The following SFMBT1 variants were observed in gnomAD, a reference collection of about 807,000 sequenced individuals.
SFMBT1 encodes the protein Scm like with four mbt domains 1.
SFMBT1 carries 32 observed loss-of-function variants against 108.7 expected under a neutral mutation model. That is an observed-to-expected ratio of 0.29 (90% CI 0.22 to 0.40). SFMBT1 has a LOEUF of 0.40. Ranked by LOEUF, SFMBT1 falls within the 10% of genes least tolerant of loss-of-function variation. The probability of loss-of-function intolerance (pLI) is 1.00; values close to 1 mark genes in which losing one functional copy is unlikely to be tolerated. For synonymous variants in SFMBT1, 348 were observed against 369.5 expected, an observed-to-expected ratio of 0.94 and a Z score of 0.67; for missense variants, 816 against 1,059.6, an observed-to-expected ratio of 0.77 and a Z score of 3.19.
Position 52,928,232 on chromosome 3 carries a change from T to C in SFMBT1, c.1007A>G (p.Gln336Arg). 1 of 1,613,830 alleles carries C rather than the reference T, an allele frequency of 6.2e-7. No individual in the cohort carries two copies. Among genetic ancestry groups the C allele is most frequent in the South Asian group, 1.1e-5 (1 of 91,042 alleles). Residue 336 changes from glutamine to arginine, a missense_variant, in exon 9 of 21, where the codon CAG becomes CGG. Transcript: ENST00000394752. ...GTGTAGGCCATTCTTCAGACTCCAC[T>C]GCACAGGGAAGATGCCAGGACTGTC... Reference protein sequence around the residue: ...HADSPGIFPVQWSLKNGLHIS... With the variant: ...HADSPGIFPVRWSLKNGLHIS...
chr3:52,921,301 A>G (rs575194894), intron 11 of SFMBT1, among the ~76,000 whole-genome samples: 2 of 152,252 alleles, frequency 1.3e-5, no homozygotes, highest in South Asian at 4.1e-4. Context: ...CAATTATTGA[A>G]TATTACTTTT....
intron 10 of SFMBT1, among the ~76,000 whole-genome samples, chr3:52,925,098 G>A (rs1192513044): frequency 3.3e-5 from 5 of 151,720 alleles, no homozygotes; most frequent in Admixed American, 6.6e-5. Context: ...GTGGGCGCCT[G>A]TAATCCCAGC....
intron 1 of SFMBT1, among the ~76,000 whole-genome samples, chr3:52,976,886 T>G (rs1360678349): frequency 6.6e-6 from 1 of 152,170 alleles, no homozygotes; most frequent in African/African-American, 2.4e-5. Context: ...TCACCCAGAT[T>G]GGCAAAAACA....
rs769472036 is a variant in SFMBT1 at position 52,910,985 on chromosome 3, T to C, written c.1906+18A>G. ...TGGTCAGCTGCTATGGTTAACACAT[T>C]GGAAAAACATGACTCACTGTATTTG... On this transcript the variant is annotated intron_variant, in intron 17 of 20. Coordinates refer to ENST00000394752, the MANE Select transcript of SFMBT1 (RefSeq NM_016329.4). 1.2e-6 allele frequency: 2 copies of C among 1,613,418 alleles called. No homozygotes were observed. The highest frequency in any genetic ancestry group is 1.1e-5 in the South Asian group (1 of 91,032).
At chr3:53,022,480 T>TA (rs1343138119) in intron 1 of SFMBT1, among the ~76,000 whole-genome samples, 1 of 104,620 alleles carries the variant, frequency 9.6e-6, no homozygotes, top group Non-Finnish European at 2.1e-5. Context: ...AAAGCAAACA[T>TA]AAGACCCTGT....
chr3:52,922,886 C>T (rs759560400), intron 10 of SFMBT1, among the ~76,000 whole-genome samples: 7 of 152,104 alleles, frequency 4.6e-5, no homozygotes, highest in South Asian at 4.2e-4. Flanking sequence ...CCCAGCCCTC[C>T]GCCTCTACCC....
intron 1 of SFMBT1, among the ~76,000 whole-genome samples, chr3:53,022,306 T>G (rs1341656111): frequency 6.6e-6 from 1 of 151,748 alleles, no homozygotes; most frequent in Non-Finnish European, 1.5e-5. Context: ...AAAAATTAGC[T>G]GAACATGGTG....
chr3:52,967,305 G>T (rs1421969396), intron 2 of SFMBT1, among the ~76,000 whole-genome samples: 3 of 151,972 alleles, frequency 2.0e-5, no homozygotes, highest in African/African-American at 4.8e-5. Flanking sequence ...AATTATACAG[G>T]CATGTTGAAA....
chr3:52,982,165 T>G (rs1470421658), intron 1 of SFMBT1, among the ~76,000 whole-genome samples: 3 of 152,152 alleles, frequency 2.0e-5, no homozygotes, highest in Non-Finnish European at 2.9e-5. Flanking sequence ...TTAAGGCTCA[T>G]TACACACATT....
intron 1 of SFMBT1, among the ~76,000 whole-genome samples, chr3:53,030,539 C>G (rs1315329859): frequency 1.3e-5 from 2 of 151,968 alleles, no homozygotes; most frequent in Non-Finnish European, 2.9e-5. Flanking sequence ...TAAAAGCAAT[C>G]TCATTTTTCT....
chr3:52,989,963 C>T (rs1480148585), intron 1 of SFMBT1, among the ~76,000 whole-genome samples: 1 of 152,154 alleles, frequency 6.6e-6, no homozygotes, highest in Non-Finnish European at 1.5e-5. Flanking sequence ...TTAAGGCAGA[C>T]AATTGGTTAC....
chr3:52,911,590 G>C (rs1403514557), intron 16 of SFMBT1, among the ~76,000 whole-genome samples: 1 of 152,230 alleles, frequency 6.6e-6, no homozygotes, highest in African/African-American at 2.4e-5. Flanking sequence ...AGATCAGAAA[G>C]CAAGAGTACC....
intron 3 of SFMBT1, among the ~76,000 whole-genome samples, chr3:52,950,287 C>T (rs945630423): frequency 2.6e-5 from 4 of 151,996 alleles, no homozygotes; most frequent in African/African-American, 9.7e-5. Flanking sequence ...AGTAGTTGCC[C>T]TAGAGTTTAC....
chr3:52,958,958 G>A lies in SFMBT1; in HGVS notation c.29-4547C>T, dbSNP rs555316904. On this transcript the variant is annotated intron_variant, in intron 2 of 20. Coordinates refer to ENST00000394752, the MANE Select transcript of SFMBT1 (RefSeq NM_016329.4). ...ATACTATGCAGCCATAAAAAGGAAC[G>A]AGATAATGTCCTTTGCAGGGACATG... Among the ~76,000 whole-genome samples, 241 of 152,278 alleles carry A rather than the reference G, an allele frequency of 1.6e-3. 1 individual carries two copies. Among genetic ancestry groups the A allele is most frequent in the African/African-American group, 5.5e-3 (227 of 41,546 alleles).
Position 53,013,615 on chromosome 3 carries a change from CTTTTTTTTTTTTT to C in SFMBT1, c.-131+32188_-131+32200del, listed in dbSNP as rs397989629. Among the ~76,000 whole-genome samples, 237 of 58,096 alleles carry C rather than the reference CTTTTTTTTTTTTT, an allele frequency of 4.1e-3. 3 individuals are homozygous for C. The highest frequency in any genetic ancestry group is 0.017 in the African/African-American group (206 of 11,898). The allele number at this position is 58,096 out of a possible 152,430, so 38.1% of individuals were successfully genotyped here. On this transcript the variant is annotated intron_variant, in intron 1 of 20. Transcript: ENST00000394752. ...GGAACACAGTTTATTTATAAAGAAT[CTTTTTTTTTTTTT>C]TTTTTTTTTTTTTTTTTTGAGATGG...
intron 16 of SFMBT1, 136 bp from the exon 17 acceptor site, chr3:52,911,314 A>C: frequency 1.3e-6 from 1 of 766,678 alleles, no homozygotes; most frequent in Non-Finnish European, 1.9e-6. Context: ...AAGGGCCCTG[A>C]AAACAACAAG....
intron 2 of SFMBT1, among the ~76,000 whole-genome samples, chr3:52,956,629 C>T (rs1040150229): frequency 1.3e-5 from 2 of 152,062 alleles, no homozygotes; most frequent in Non-Finnish European, 1.5e-5. Flanking sequence ...GGTGTGGTGG[C>T]GTGCGCTTAT....
At chr3:52,984,944 G>A (rs746005323) in intron 1 of SFMBT1, among the ~76,000 whole-genome samples, 37 of 151,968 alleles carry the variant, frequency 2.4e-4, no homozygotes, top group Non-Finnish European at 1.9e-4. Context: ...ATACCAAGAC[G>A]ACTAAATTGC....
intron 3 of SFMBT1, among the ~76,000 whole-genome samples, chr3:52,951,252 G>C (rs1228481321): frequency 6.9e-6 from 1 of 145,068 alleles, no homozygotes. Flanking sequence ...AGCAAGGATA[G>C]AGAGGACTGA....
Sources: allele counts gnomAD v4.1 joint callset (sites outside exome capture counted in the v4.1 genomes callset), GRCh38; gene constraint gnomAD v4.1.1; transcripts MANE v1.5; gene names NCBI Gene and HGNC (gene_info 2026-07-23, HGNC 2026-07-21).